The following MAP3K1 variants were observed in gnomAD, a reference collection of about 807,000 sequenced individuals.
MAP3K1 encodes mitogen-activated protein kinase kinase kinase 1, also known as MAP/ERK kinase kinase 1.
Under a neutral mutation model 144.2 loss-of-function variants are expected in MAP3K1, and 36 were observed. That is an observed-to-expected ratio of 0.25 (90% confidence interval 0.19 to 0.33). MAP3K1 has a LOEUF of 0.33. Ranked by LOEUF, MAP3K1 falls within the 10% of genes least tolerant of loss-of-function variation. The pLI is 1.00. For synonymous variants in MAP3K1, 718 were observed against 688.7 expected, an observed-to-expected ratio of 1.04 and a Z score of -0.67; for missense variants, 1,650 against 1,881.9, an observed-to-expected ratio of 0.88 and a Z score of 2.28.
At chr5:56,881,488 G>A in intron 13 of MAP3K1, 82 bp from the exon 14 acceptor site, 5 of 1,184,362 alleles carry the variant, frequency 4.2e-6, no homozygotes, top group Non-Finnish European at 6.2e-6. Flanking sequence ...TATACATGCT[G>A]TAAATTACTA....
intron 12 of MAP3K1, 66 bp downstream of exon 12, chr5:56,880,868 T>C (rs1748184286): frequency 1.6e-6 from 2 of 1,257,326 alleles, no homozygotes; most frequent in East Asian, 4.8e-5. Context: ...CCTTGTCTAA[T>C]CTCATAATCT....
chr5:56,822,145 G>A (rs763346173), intron 1 of MAP3K1, among the ~76,000 whole-genome samples: 4 of 152,052 alleles, frequency 2.6e-5, no homozygotes, highest in Non-Finnish European at 5.9e-5. Flanking sequence ...CTAGCCTCCC[G>A]AGTAGCTTGC....
chr5:56,831,712 T>C (rs1396871051), intron 1 of MAP3K1, among the ~76,000 whole-genome samples: 1 of 152,230 alleles, frequency 6.6e-6, no homozygotes, highest in Non-Finnish European at 1.5e-5. Context: ...ATTAAATGAA[T>C]TCCATGAGAA....
intron 1 of MAP3K1, among the ~76,000 whole-genome samples, chr5:56,850,170 G>A (rs33330): frequency 0.24 from 35,957 of 152,120 alleles, 5,630 homozygotes; most frequent in Non-Finnish European, 0.35. Flanking sequence ...TTGGAAGGTC[G>A]TTCCTCCCTT....
chr5:56,876,267 C>T (rs1748026135), intron 10 of MAP3K1, among the ~76,000 whole-genome samples: 1 of 151,918 alleles, frequency 6.6e-6, no homozygotes, highest in African/African-American at 2.4e-5. Context: ...CCCACCCCCA[C>T]CCGATCATGC....
At chr5:56,819,612 C>T (rs988924423) in intron 1 of MAP3K1, among the ~76,000 whole-genome samples, 1 of 151,976 alleles carries the variant, frequency 6.6e-6, no homozygotes, top group Non-Finnish European at 1.5e-5. Flanking sequence ...GAAAGCACCT[C>T]TTTTGCATTT....
intron 10 of MAP3K1, among the ~76,000 whole-genome samples, chr5:56,876,374 C>G (rs1025900233): frequency 5.3e-5 from 8 of 151,778 alleles, no homozygotes; most frequent in Non-Finnish European, 8.8e-5. Context: ...TAATTCTTAT[C>G]TAGTCTGTTC....
intron 1 of MAP3K1, among the ~76,000 whole-genome samples, chr5:56,844,053 GAC>G (rs1422419182): frequency 1.3e-5 from 2 of 152,038 alleles, no homozygotes; most frequent in Non-Finnish European, 2.9e-5. Flanking sequence ...GGAGATTAAT[GAC>G]ACATGTAGGT....
chr5:56,826,115 C>A (rs148620028), intron 1 of MAP3K1, among the ~76,000 whole-genome samples: 1 of 151,972 alleles, frequency 6.6e-6, no homozygotes, highest in South Asian at 2.1e-4. Flanking sequence ...AGCTGATCAC[C>A]CTTCTTTCTC....
chr5:56,883,001 C>T, intron 14 of MAP3K1, 135 bp downstream of exon 14: 2 of 702,306 alleles, frequency 2.8e-6, no homozygotes, highest in Non-Finnish European at 4.7e-6. Context: ...CTAGCCTGGT[C>T]AACAAAGCAA....
At chr5:56,862,435 T>C (rs1747544495) in intron 3 of MAP3K1, among the ~76,000 whole-genome samples, 1 of 152,126 alleles carries the variant, frequency 6.6e-6, no homozygotes, top group Admixed American at 6.5e-5. Context: ...GCCATCAAAA[T>C]GAAAGTTTAC....
chr5:56,875,726 AAATAGGGTG>A (rs1748005225), intron 10 of MAP3K1, among the ~76,000 whole-genome samples: 1 of 152,146 alleles, frequency 6.6e-6, no homozygotes, highest in Admixed American at 6.5e-5. Context: ...GAACAACAAC[AAATAGGGTG>A]AGCTAGACAA....
rs747249578 is a variant in MAP3K1 at position 56,882,702 on chromosome 5, A to G, written c.3502A>G (p.Lys1168Glu). The G allele has an allele frequency of 1.2e-6, 2 of 1,614,142 alleles. No individual in the cohort carries two copies. Among genetic ancestry groups the G allele is most frequent in the Non-Finnish European group, 1.7e-6 (2 of 1,180,012 alleles). The part of the protein sequence containing the change: ...PEKAENDDTY[K>E]DDVNHNQKCK... ...AAAGGCTGAAAATGATGATACCTACAAAGATGATGTGAATCATAATCAAAA... is the reference window on the plus strand; with the variant it reads ...AAAGGCTGAAAATGATGATACCTACGAAGATGATGTGAATCATAATCAAAA... Residue 1168 changes from lysine (K) to glutamate (E), a missense_variant, in exon 14 of 20, where the codon AAA becomes GAA. Coordinates refer to ENST00000399503, the MANE Select transcript of MAP3K1 (RefSeq NM_005921.2).
At chr5:56,831,933 TGGAGAG>T in intron 1 of MAP3K1, among the ~76,000 whole-genome samples, 1 of 152,316 alleles carries the variant, frequency 6.6e-6, no homozygotes. Flanking sequence ...TTTTAGCTGT[TGGAGAG>T]GGAATTGCCA....
intron 15 of MAP3K1, among the ~76,000 whole-genome samples, chr5:56,884,213 A>C (rs1279839357): frequency 6.6e-6 from 1 of 152,180 alleles, no homozygotes; most frequent in Non-Finnish European, 1.5e-5. Context: ...GGGCCTTACA[A>C]AGGTTTTTTT....
At chr5:56,879,570 A>AC (rs1359528856) in intron 11 of MAP3K1, among the ~76,000 whole-genome samples, 4 of 151,904 alleles carry the variant, frequency 2.6e-5, no homozygotes, top group Non-Finnish European at 4.4e-5. Flanking sequence ...TTTGTCAAAA[A>AC]ATTTTTAGAT....
At chr5:56,874,687 A>C (rs1408147704) in intron 9 of MAP3K1, among the ~76,000 whole-genome samples, 1 of 152,080 alleles carries the variant, frequency 6.6e-6, no homozygotes, top group Non-Finnish European at 1.5e-5. Context: ...CCTTAATATG[A>C]ATACAGAGTT....
At chr5:56,839,634 A>T in intron 1 of MAP3K1, among the ~76,000 whole-genome samples, 1 of 152,170 alleles carries the variant, frequency 6.6e-6, no homozygotes, top group Non-Finnish European at 1.5e-5. Flanking sequence ...GGCAGAGGCT[A>T]CTGTCTGTAT....
chr5:56,819,657 C>CT (rs1257652586), intron 1 of MAP3K1, among the ~76,000 whole-genome samples: 84 of 152,256 alleles, frequency 5.5e-4, no homozygotes, highest in Admixed American at 6.5e-5. Flanking sequence ...TGAGGGCTGT[C>CT]TGTTACACAG....
Sources: allele counts gnomAD v4.1 joint callset (sites outside exome capture counted in the v4.1 genomes callset), GRCh38; gene constraint gnomAD v4.1.1; transcripts MANE v1.5; gene names NCBI Gene and HGNC (gene_info 2026-07-23, HGNC 2026-07-21).